ATG7: variants seen among roughly 807,000 people sequenced by gnomAD.
ATG7 encodes autophagy related 7, also known as ubiquitin-like modifier-activating enzyme ATG7.
In ATG7, 70 loss-of-function variants were observed where a neutral mutation model predicts 82.4. That is an observed-to-expected ratio of 0.85 (90% CI 0.70 to 1.04). The LOEUF (loss-of-function observed/expected upper bound fraction) is 1.04, where lower values mean the gene tolerates loss of function less well. Among genes scored for constraint, ATG7 ranks in the 50% least tolerant of loss-of-function variants. The pLI, the probability that ATG7 is intolerant of heterozygous loss-of-function variation, is 0.00. For missense variants in ATG7, 792 were observed against 864.3 expected, an observed-to-expected ratio of 0.92 and a Z score of 1.05; for synonymous variants, 287 against 313.0, an observed-to-expected ratio of 0.92 and a Z score of 0.88.
intron 20 of ATG7, among the ~76,000 whole-genome samples, chr3:11,465,403 C>T (rs2086728217): frequency 6.6e-6 from 1 of 150,524 alleles, no homozygotes; most frequent in Admixed American, 6.6e-5. Context: ...CAAGATCACG[C>T]CACTGCACTC....
chr3:11,459,517 ATTATGT>A (rs2086102770), intron 20 of ATG7, among the ~76,000 whole-genome samples: 3 of 149,930 alleles, frequency 2.0e-5, no homozygotes. Context: ...TTTTTAAGTG[ATTATGT>A]TAGGAAACTT....
At position 11,510,334 on chromosome 3, in the gene ATG7, GTGT is replaced by G. The variant is rs200058700; in HGVS notation, c.2080-44475_2080-44473del. On this transcript the variant is annotated intron_variant, in intron 20 of 20. Coordinates refer to ENST00000693202, the MANE Select transcript of ATG7 (RefSeq NM_001349232.2). Reference sequence around the variant, plus strand: ...GCATTCATACTTGAATGTATAATTTGTGTTATTACCTCTTATTTGTCTTTGTAA... The same window carrying G: ...GCATTCATACTTGAATGTATAATTTGTATTACCTCTTATTTGTCTTTGTAA... The G allele has an allele frequency of 1.3e-3, 603 of 452,488 alleles. 4 individuals are homozygous for G. The highest frequency in any genetic ancestry group is 0.011 in the African/African-American group (545 of 49,670). 28.0% of individuals were successfully genotyped at this position (452,488 alleles called of 1,614,324 possible).
At chr3:11,511,821 C>A (rs1323525834) in intron 20 of ATG7, among the ~76,000 whole-genome samples, 1 of 152,200 alleles carries the variant, frequency 6.6e-6, no homozygotes, top group Non-Finnish European at 1.5e-5. Flanking sequence ...AGTACACCCT[C>A]CGCAGCCACT....
chr3:11,359,155 G>A (rs1270603843), intron 15 of ATG7, among the ~76,000 whole-genome samples: 1 of 151,990 alleles, frequency 6.6e-6, no homozygotes, highest in African/African-American at 2.4e-5. Flanking sequence ...TCTGTCTATT[G>A]AGAGAGGAGA....
intron 20 of ATG7, among the ~76,000 whole-genome samples, chr3:11,493,111 G>A (rs2153050849): frequency 6.6e-6 from 1 of 152,340 alleles, no homozygotes; most frequent in East Asian, 1.9e-4. Context: ...TCACGTAGAC[G>A]AATTGAAGTT....
chr3:11,360,032 A>G (rs149878622), intron 15 of ATG7, among the ~76,000 whole-genome samples: 128 of 152,232 alleles, frequency 8.4e-4, no homozygotes, highest in Non-Finnish European at 1.2e-3. Flanking sequence ...AATGTTTGTT[A>G]TGAGTTTTTT....
At chr3:11,395,403 A>G (rs530881313) in intron 19 of ATG7, among the ~76,000 whole-genome samples, 2 of 152,210 alleles carry the variant, frequency 1.3e-5, no homozygotes, top group South Asian at 4.1e-4. Context: ...CAACAAATTT[A>G]TAACAGTACA....
downstream of ATG7, chr3:11,559,340 G>A: frequency 6.5e-7 from 1 of 1,544,402 alleles, no homozygotes; most frequent in Non-Finnish European, 8.7e-7. Context: ...ACCGCTCGGT[G>A]GCCTCCGGTA....
intron 20 of ATG7, among the ~76,000 whole-genome samples, chr3:11,467,482 T>C (rs1213606271): frequency 6.6e-6 from 1 of 152,184 alleles, no homozygotes; most frequent in Non-Finnish European, 1.5e-5. Flanking sequence ...CTTCAAGCGA[T>C]TCTTCTGCCT....
At position 11,527,041 on chromosome 3, in the gene ATG7, ATGTGTGTGTGTGTGTG is replaced by A. The variant is rs370131709; in HGVS notation, c.2080-27754_2080-27739del. Among the ~76,000 whole-genome samples, 14 of 138,322 alleles carry A rather than the reference ATGTGTGTGTGTGTGTG, an allele frequency of 1.0e-4. 1 individual carries two copies. The highest frequency in any genetic ancestry group is 2.0e-4 in the Non-Finnish European group (13 of 65,076). The allele number at this position is 138,322 out of a possible 152,430, so 90.7% of individuals were successfully genotyped here. A position where few individuals can be genotyped will look rare whatever the true frequency, so the allele number is the denominator to read the frequency against. ...AGTATATATATGTGTGTGTGTATAT[ATGTGTGTGTGTGTGTG>A]TGTGTGTGTGTGTGTATATATATAT... On this transcript the variant is annotated intron_variant, in intron 20 of 20. Transcript: ENST00000693202.
intron 18 of ATG7, among the ~76,000 whole-genome samples, chr3:11,375,232 C>A (rs1039516406): frequency 1.3e-5 from 2 of 151,920 alleles, no homozygotes; most frequent in Admixed American, 6.6e-5. Flanking sequence ...AACAAAAAAA[C>A]CAGAATGGGA....
intron 20 of ATG7, among the ~76,000 whole-genome samples, chr3:11,469,988 CAAAAAAAAAAAAA>C (rs10628540): frequency 1.1e-5 from 1 of 87,574 alleles, no homozygotes; most frequent in Non-Finnish European, 2.2e-5. Flanking sequence ...GACTCCATCT[CAAAAAAAAAAAAA>C]AAAAAAAAGA....
intron 20 of ATG7, among the ~76,000 whole-genome samples, chr3:11,456,470 T>C (rs1391692532): frequency 6.6e-6 from 1 of 152,232 alleles, no homozygotes; most frequent in African/African-American, 2.4e-5. Context: ...TTGTATGAAG[T>C]ACACGTTTTT....
intron 20 of ATG7, among the ~76,000 whole-genome samples, chr3:11,528,844 AAAG>A (rs1176655671): frequency 6.6e-6 from 1 of 151,748 alleles, no homozygotes; most frequent in East Asian, 1.9e-4. Flanking sequence ...AAAAAAAAAA[AAAG>A]TTAAAACAGC....
At chr3:11,321,708 TCA>T (rs1178342422) in intron 9 of ATG7, among the ~76,000 whole-genome samples, 2 of 152,296 alleles carry the variant, frequency 1.3e-5, no homozygotes, top group East Asian at 3.9e-4. Context: ...CCTCTGAGCC[TCA>T]GTTTCCTCAG....
chr3:11,476,605 T>C (rs1339346144), intron 20 of ATG7, among the ~76,000 whole-genome samples: 1 of 152,078 alleles, frequency 6.6e-6, no homozygotes, highest in Non-Finnish European at 1.5e-5. Flanking sequence ...TGGTACAAGG[T>C]AGATGGAATG....
In ATG7 at chr3:11,313,399, T is replaced by G. The variant is rs1325920884; in HGVS notation, c.507T>G (p.Asp169Glu). ...LPLIQGPVGL[D>E]QRFSLKQIEA... Reference sequence around the variant, plus strand: ...TCATTCAGGGGCCAGTGGGTTTGGATCAAAGGTTTTCACTAAAACAGGTAT... The same window carrying G: ...TCATTCAGGGGCCAGTGGGTTTGGAGCAAAGGTTTTCACTAAAACAGGTAT... Residue 169 changes from aspartate to glutamate, a missense_variant, in exon 8 of 21, where the codon GAT becomes GAG. Transcript: ENST00000693202. The G allele has an allele frequency of 6.2e-7, 1 of 1,610,968 alleles. No individual in the cohort carries two copies. Among genetic ancestry groups the G allele is most frequent in the African/African-American group, 1.3e-5 (1 of 74,790 alleles).
intron 20 of ATG7, among the ~76,000 whole-genome samples, chr3:11,548,011 T>C (rs190627070): frequency 2.1e-3 from 321 of 152,122 alleles, no homozygotes; most frequent in African/African-American, 7.1e-3. Flanking sequence ...CCAACTAGTT[T>C]TTAAATTTTT....
chr3:11,450,192 A>C (rs370406467), intron 20 of ATG7, among the ~76,000 whole-genome samples: 1 of 472 alleles, frequency 2.1e-3, no homozygotes, highest in African/African-American at 9.6e-3. Flanking sequence ...GGCACATGGA[A>C]CCTAAGTGTT....
Sources: allele counts gnomAD v4.1 joint callset (sites outside exome capture counted in the v4.1 genomes callset), GRCh38; gene constraint gnomAD v4.1.1; transcripts MANE v1.5; gene names NCBI Gene and HGNC (gene_info 2026-07-23, HGNC 2026-07-21).